The following STOX2 variants were observed in gnomAD, a reference collection of about 807,000 sequenced individuals.
The protein encoded by STOX2 is storkhead-box protein 2.
A neutral mutation model predicts 60.9 loss-of-function variants in STOX2; 28 were observed. That is an observed-to-expected ratio of 0.46 (90% confidence interval 0.34 to 0.63). STOX2 has a LOEUF of 0.63. Ranked by LOEUF, STOX2 falls within the 30% of genes least tolerant of loss-of-function variation. The pLI is 0.01. For missense variants in STOX2, 1,024 were observed against 1,187.7 expected (o/e 0.86, Z 2.03); for synonymous variants, 472 against 463.9 (o/e 1.02, Z -0.22).
chr4:183,878,648 C>A (rs1246884233), intron 1 of STOX2, among the ~76,000 whole-genome samples: 1 of 152,298 alleles, frequency 6.6e-6, no homozygotes, highest in Non-Finnish European at 1.5e-5. Flanking sequence ...TTCTGTATAA[C>A]GACCTCTTCA....
intron 1 of STOX2, among the ~76,000 whole-genome samples, chr4:183,838,298 T>G (rs895638705): frequency 2.4e-4 from 37 of 151,128 alleles, no homozygotes; most frequent in African/African-American, 8.5e-4. Context: ...ATTCAATACA[T>G]ATATTGAAAT....
chr4:183,996,269 A>G (rs933342933), intron 1 of STOX2, among the ~76,000 whole-genome samples: 1 of 152,232 alleles, frequency 6.6e-6, no homozygotes, highest in African/African-American at 2.4e-5. Flanking sequence ...TTAGAACAAT[A>G]GGACAGAATT....
intron 1 of STOX2, among the ~76,000 whole-genome samples, chr4:183,833,315 A>G (rs1207939774): frequency 6.6e-6 from 1 of 152,176 alleles, no homozygotes; most frequent in Non-Finnish European, 1.5e-5. Context: ...TAGGTCTGGC[A>G]TCATCAAAGA....
In STOX2 at chr4:184,010,345, G is replaced by T. The variant is rs1283324857; in HGVS notation, c.1507G>T (p.Ala503Ser). ...GGATAACTCCAAAGGCCCTCTGGGTGCTTCTTCTCTAGGGACGCCGGAAGA... is the reference window on the plus strand; with the variant it reads ...GGATAACTCCAAAGGCCCTCTGGGTTCTTCTTCTCTAGGGACGCCGGAAGA... ...SMDNSKGPLG[A>S]SSLGTPEDLA... is the part of the protein sequence containing the mutation. The change falls in exon 3 of 4, where the codon GCT becomes TCT. Residue 503 changes from alanine to serine, a missense_variant. Ala to Ser is a moderately conservative substitution (Grantham distance 99). Around this residue, in one of 3 missense-constraint regions of STOX2, gnomAD observed 922 missense variants for 1,058.3 expected, o/e 0.87. Transcript: ENST00000308497. The surrounding 1 kb of genome is among the most constrained non-coding windows in gnomAD (Gnocchi z 4.5). The T allele has an allele frequency of 6.2e-7, 1 of 1,610,408 alleles. No homozygotes were observed. Among genetic ancestry groups the T allele is most frequent in the African/African-American group, 1.3e-5 (1 of 74,964 alleles).
At chr4:183,932,553 G>A (rs1742469679) in intron 1 of STOX2, among the ~76,000 whole-genome samples, 2 of 151,730 alleles carry the variant, frequency 1.3e-5, no homozygotes, top group Admixed American at 1.3e-4. Context: ...GAAATGTTTG[G>A]CAGGCATTTT....
At chr4:183,933,458 G>A (rs10005362) in intron 1 of STOX2, among the ~76,000 whole-genome samples, 16,939 of 152,000 alleles carry the variant, frequency 0.11, 1,148 homozygotes, top group South Asian at 0.2. Flanking sequence ...GCATGATCTC[G>A]GCTCACTGCA....
At chr4:183,866,255 C>G (rs996361947) in intron 1 of STOX2, among the ~76,000 whole-genome samples, 28 of 152,128 alleles carry the variant, frequency 1.8e-4, no homozygotes. Context: ...AAGCCCACCC[C>G]GAGCCTGTTC....
At chr4:183,926,216 A>C (rs572360919) in intron 1 of STOX2, among the ~76,000 whole-genome samples, 2 of 152,350 alleles carry the variant, frequency 1.3e-5, no homozygotes, top group South Asian at 4.1e-4. Context: ...TACATTAAAA[A>C]GTGCAGATTT....
At chr4:183,799,064 C>A (rs1007289791) in intron 1 of STOX2, among the ~76,000 whole-genome samples, 6 of 152,158 alleles carry the variant, frequency 3.9e-5, no homozygotes, top group African/African-American at 1.4e-4. Context: ...TCTCGTTACC[C>A]GCTGTTGCTA....
At chr4:183,990,000 C>T (rs972505192) in intron 1 of STOX2, among the ~76,000 whole-genome samples, 5 of 152,190 alleles carry the variant, frequency 3.3e-5, no homozygotes, top group Non-Finnish European at 5.9e-5. Flanking sequence ...TCTTTCTCTT[C>T]GCAGTCACAT....
At chr4:183,855,498 T>G (rs1325718150) in intron 1 of STOX2, among the ~76,000 whole-genome samples, 1 of 152,206 alleles carries the variant, frequency 6.6e-6, no homozygotes, top group African/African-American at 2.4e-5. Context: ...TTCCTTTTCC[T>G]GGAAAGTGTA....
In STOX2 at chr4:183,807,256, A is replaced by G. The variant is rs555260889; in HGVS notation, c.364+9201A>G. Among the ~76,000 whole-genome samples the G allele has an allele frequency of 7.0e-4, 107 of 152,236 alleles. No individual in the cohort carries two copies. In the East Asian group the frequency reaches 9.3e-3, roughly 13 times the overall value. ...CAAAGTGCTGGGATTACAGGCCTGA[A>G]CCACCGCGCCCGGCCTCTGACACTT... is the stretch of plus-strand genomic sequence containing the variant. On this transcript the variant is annotated intron_variant, in intron 1 of 2. Coordinates refer to the STOX2 transcript ENST00000513034.
At chr4:183,980,950 C>T (rs992954427) in intron 1 of STOX2, among the ~76,000 whole-genome samples, 2 of 152,120 alleles carry the variant, frequency 1.3e-5, no homozygotes, top group Non-Finnish European at 2.9e-5. Context: ...AGTTTCTCAG[C>T]TCTTTGACCT....
At chr4:183,944,028 A>G (rs1338974363) in intron 1 of STOX2, among the ~76,000 whole-genome samples, 1 of 152,362 alleles carries the variant, frequency 6.6e-6, no homozygotes, top group East Asian at 1.9e-4. Flanking sequence ...ATGGCTCAGT[A>G]CAGAAGACAG....
intron 1 of STOX2, among the ~76,000 whole-genome samples, chr4:183,915,480 A>C (rs1348860988): frequency 6.6e-6 from 1 of 150,540 alleles, no homozygotes; most frequent in African/African-American, 2.5e-5. Flanking sequence ...TGTCGGTGTC[A>C]TTCCTCATTG....
chr4:183,949,065 C>T (rs535902513), intron 1 of STOX2, among the ~76,000 whole-genome samples: 122 of 151,966 alleles, frequency 8.0e-4, no homozygotes, highest in Non-Finnish European at 1.4e-3. Flanking sequence ...ACAGTAGTGG[C>T]ATTAATAGTT....
chr4:183,885,627 T>A (rs1741061599), intron 1 of STOX2, among the ~76,000 whole-genome samples: 1 of 152,204 alleles, frequency 6.6e-6, no homozygotes, highest in African/African-American at 2.4e-5. Context: ...AAAGTGGATG[T>A]CTAGCCTGAT....
At chr4:183,907,633 A>G (rs1373987196) in intron 1 of STOX2, among the ~76,000 whole-genome samples, 2 of 152,194 alleles carry the variant, frequency 1.3e-5, no homozygotes, top group Admixed American at 6.5e-5. Flanking sequence ...CGGTAAATGG[A>G]AAGGGAAGGC....
intron 1 of STOX2, among the ~76,000 whole-genome samples, chr4:183,885,370 G>A (rs1232973637): frequency 1.3e-5 from 2 of 152,178 alleles, no homozygotes; most frequent in Admixed American, 6.5e-5. Context: ...TGATCAGTCC[G>A]AGAGCGGGAA....
Sources: allele counts gnomAD v4.1 joint callset (sites outside exome capture counted in the v4.1 genomes callset), GRCh38; gene constraint gnomAD v4.1.1; regional missense constraint gnomAD v4.1.1; non-coding constraint Gnocchi (gnomAD v3.1); transcripts MANE v1.5; gene names NCBI Gene and HGNC (gene_info 2026-07-23, HGNC 2026-07-21).